The following SLC14A2 variants were observed in gnomAD, a reference collection of about 807,000 sequenced individuals.
The protein encoded by SLC14A2 is solute carrier family 14 member 2.
Under a neutral mutation model 104.6 loss-of-function variants are expected in SLC14A2, and 91 were observed. The ratio of observed to expected loss-of-function variants is 0.87; its 90% confidence interval spans 0.73 to 1.04. The LOEUF (loss-of-function observed/expected upper bound fraction) is 1.04. Ranked by LOEUF, SLC14A2 falls within the 50% of genes least tolerant of loss-of-function variation. SLC14A2 has a pLI of 0.00. For synonymous variants in SLC14A2, 476 were observed against 466.4 expected, an observed-to-expected ratio of 1.02 and a Z score of -0.27; for missense variants, 1,189 against 1,156.0, an observed-to-expected ratio of 1.03 and a Z score of -0.41.
intron 2 of SLC14A2, among the ~76,000 whole-genome samples, chr18:45,596,669 C>T (rs2044722204): frequency 1.3e-5 from 2 of 152,212 alleles, no homozygotes; most frequent in African/African-American, 4.8e-5. Context: ...TCTATTTTCT[C>T]AAGAAAGCTT....
At chr18:45,276,523 A>G (rs1325592047) in intron 1 of SLC14A2, among the ~76,000 whole-genome samples, 1 of 152,202 alleles carries the variant, frequency 6.6e-6, no homozygotes, top group Non-Finnish European at 1.5e-5. Flanking sequence ...GAAATTGGAG[A>G]GTGTGGTGTG....
intron 1 of SLC14A2, among the ~76,000 whole-genome samples, chr18:45,269,889 T>G (rs961192537): frequency 6.6e-6 from 1 of 152,232 alleles, no homozygotes; most frequent in East Asian, 1.9e-4. Flanking sequence ...GAGAGTGTTT[T>G]TGGTCTCTTT....
chr18:45,201,340 C>A, the SLC14A2 span, among the ~76,000 whole-genome samples: 13 of 152,096 alleles, frequency 8.5e-5, no homozygotes, highest in African/African-American at 2.9e-4. Context: ...GGCTGAGTAT[C>A]CACATCAATT....
rs376084093 is a variant in SLC14A2 at position 45,636,962 on chromosome 18, A to T, written c.651-28A>T. 6 of 1,592,136 alleles carry T rather than the reference A, an allele frequency of 3.8e-6. No individual in the cohort carries two copies. The African/African-American group carries it at 6.7e-5, about 18-fold the overall frequency. ...ATGTAGACCTCAGGATGTCACAGGGATTAACCCTCTGTCTCTTGCATCTTC... is the reference window on the plus strand; with the variant it reads ...ATGTAGACCTCAGGATGTCACAGGGTTTAACCCTCTGTCTCTTGCATCTTC... On this transcript the variant is annotated intron_variant, in intron 5 of 19. Coordinates refer to ENST00000255226, the MANE Select transcript of SLC14A2 (RefSeq NM_007163.4).
intron 10 of SLC14A2, among the ~76,000 whole-genome samples, chr18:45,663,101 T>C (rs370100917): frequency 6.6e-6 from 1 of 152,206 alleles, no homozygotes; most frequent in Non-Finnish European, 1.5e-5. Context: ...AAATTGGTAT[T>C]GGTCAGGCTT....
intron 1 of SLC14A2, among the ~76,000 whole-genome samples, chr18:45,329,773 G>C (rs190170011): frequency 4.6e-5 from 7 of 152,202 alleles, no homozygotes; most frequent in African/African-American, 1.7e-4. Context: ...ATTTGGGAAG[G>C]AAAAAGATAG....
At chr18:45,610,826 A>G (rs17669582), upstream of SLC14A2, among the ~76,000 whole-genome samples, 37,868 of 152,096 alleles carry the variant, frequency 0.25, 5,741 homozygotes, top group Middle Eastern at 0.35. Flanking sequence ...ACACCCACAG[A>G]TCACCAATGA....
the SLC14A2 span, among the ~76,000 whole-genome samples, chr18:45,177,786 C>A: frequency 1.3e-5 from 2 of 152,078 alleles, no homozygotes; most frequent in Non-Finnish European, 1.5e-5. Context: ...TAGTGCTTGG[C>A]ATAGAGTAGA....
chr18:45,544,217 A>T (rs59082219), intron 2 of SLC14A2, among the ~76,000 whole-genome samples: 1 of 152,164 alleles, frequency 6.6e-6, no homozygotes, highest in Non-Finnish European at 1.5e-5. Flanking sequence ...TGAACTTCAG[A>T]TGGTCTTGGG....
At position 45,532,909 on chromosome 18, in the gene SLC14A2, G is replaced by C. The variant is rs202104361; in HGVS notation, c.-35+49587G>C. Among the ~76,000 whole-genome samples, 325 of 151,630 alleles carry C rather than the reference G, an allele frequency of 2.1e-3. 10 individuals carry two copies. The East Asian group carries it at 0.054, about 25-fold the overall frequency. ...TTTATTGAGAGTTTTTAGCATGAAG[G>C]GTTGTTGAATTTTGTCAAAGGCCTT... On this transcript the variant is annotated intron_variant, in intron 2 of 20. Coordinates refer to the SLC14A2 transcript ENST00000586448.
In SLC14A2 at chr18:45,641,238, AT is replaced by A; in HGVS notation, c.1022del (p.Ile341ThrfsTer72). ...GTCAGTGGCCACACCCTTCGAGACC[AT>A]CTACACAGGCCTCTGGAGCTACAAC... Reference protein sequence around the residue: ...ALSVATPFETIYTGLWSYNCV... With the variant: ...ALSVATPFETXYTGLWSYNCV... On this transcript the variant is annotated frameshift_variant, in exon 8 of 20. Transcript: ENST00000255226. LOFTEE classifies it high-confidence loss of function. 6.2e-7 allele frequency: 1 copy of A among 1,614,006 alleles called. No homozygotes were observed. Among genetic ancestry groups the A allele is most frequent in the Non-Finnish European group, 8.5e-7 (1 of 1,179,982 alleles).
intron 1 of SLC14A2, among the ~76,000 whole-genome samples, chr18:45,444,063 CA>C (rs1338949213): frequency 6.6e-6 from 1 of 152,136 alleles, no homozygotes; most frequent in East Asian, 1.9e-4. Flanking sequence ...TAACCATTAC[CA>C]ATGCTGCAAA....
intron 1 of SLC14A2, among the ~76,000 whole-genome samples, chr18:45,460,176 T>C (rs1336021175): frequency 6.6e-6 from 1 of 152,238 alleles, no homozygotes; most frequent in Non-Finnish European, 1.5e-5. Flanking sequence ...GAAATAATGC[T>C]GCCTTCACCC....
chr18:45,396,556 T>G (rs2086033109), intron 1 of SLC14A2, among the ~76,000 whole-genome samples: 1 of 152,100 alleles, frequency 6.6e-6, no homozygotes, highest in African/African-American at 2.4e-5. Flanking sequence ...ATTTATTTGT[T>G]TCTTTATTTG....
chr18:45,561,120 G>C (rs372638374), intron 2 of SLC14A2, among the ~76,000 whole-genome samples: 79 of 152,210 alleles, frequency 5.2e-4, no homozygotes, highest in African/African-American at 1.7e-3. Context: ...TGAGGGATGA[G>C]CCACGGGAGG....
At chr18:45,613,809 T>G (rs7233509), upstream of SLC14A2, among the ~76,000 whole-genome samples, 2,948 of 152,282 alleles carry the variant, frequency 0.019, 91 homozygotes, top group African/African-American at 0.068. Flanking sequence ...TACAGAGAGA[T>G]TGTTTGAAAT....
At chr18:45,595,947 G>A (rs1440720548) in intron 2 of SLC14A2, among the ~76,000 whole-genome samples, 1 of 152,206 alleles carries the variant, frequency 6.6e-6, no homozygotes, top group Non-Finnish European at 1.5e-5. Flanking sequence ...GTGCAGAAAT[G>A]AGGTCACAGG....
At chr18:45,223,128 T>A (rs2143998323) in intron 1 of SLC14A2, among the ~76,000 whole-genome samples, 1 of 152,300 alleles carries the variant, frequency 6.6e-6, no homozygotes, top group East Asian at 1.9e-4. Context: ...CCCTATAAGA[T>A]GGAATCTGTA....
In SLC14A2 at chr18:45,503,838, G is replaced by GACC. The variant is rs1270068287; in HGVS notation, c.-35+20517_-35+20518insCCA. 9.5e-3 allele frequency among the ~76,000 whole-genome samples: 76 copies of GACC among 8,034 alleles called. No individual in the cohort carries two copies. In the East Asian group the frequency reaches 0.27, roughly 29 times the overall value. 5.3% of individuals were successfully genotyped at this position (8,034 alleles called of 152,430 possible). A position where few individuals can be genotyped will look rare whatever the true frequency, so the allele number is the denominator to read the frequency against. ...GAGTAATTATCCCTGAATTATCAAA[G>GACC]ATACCACTGGAAGTAGGTAAAACAG... is the stretch of plus-strand genomic sequence containing the variant. On this transcript the variant is annotated intron_variant, in intron 2 of 20. Coordinates refer to the SLC14A2 transcript ENST00000586448.
Sources: gnomAD v4.1 joint callset for allele counts (sites outside exome capture counted in the v4.1 genomes callset) on GRCh38, gnomAD v4.1.1 for gene constraint, MANE v1.5 for transcripts, NCBI Gene and HGNC (gene_info 2026-07-23, HGNC 2026-07-21) for gene names.